Variants in C2CD2 observed in about 807,000 individuals in gnomAD.
The protein encoded by C2CD2 is C2 calcium dependent domain containing 2.
A neutral mutation model predicts 74.3 loss-of-function variants in C2CD2; 43 were observed. That is an observed-to-expected ratio of 0.58 (90% CI 0.45 to 0.75). C2CD2 has a LOEUF of 0.75. Among genes scored for constraint, C2CD2 ranks in the 30% least tolerant of loss-of-function variants. The pLI is 0.00. For synonymous variants in C2CD2, 422 were observed against 390.7 expected, an observed-to-expected ratio of 1.08 and a Z score of -0.94; for missense variants, 801 against 916.3, an observed-to-expected ratio of 0.87 and a Z score of 1.63.
chr21:41,946,562 A>C (rs1464724438), intron 1 of C2CD2, among the ~76,000 whole-genome samples: 1 of 152,206 alleles, frequency 6.6e-6, no homozygotes, highest in African/African-American at 2.4e-5. Context: ...GCCTCCGCAG[A>C]AGCAGAACCT....
chr21:41,910,957 G>T (rs1012914003), intron 7 of C2CD2, among the ~76,000 whole-genome samples: 2 of 152,026 alleles, frequency 1.3e-5, no homozygotes, highest in African/African-American at 4.8e-5. Context: ...CGGTATTTGT[G>T]TATAGTTTTT....
At chr21:41,949,144 T>C (rs2065429511) in intron 1 of C2CD2, among the ~76,000 whole-genome samples, 1 of 151,974 alleles carries the variant, frequency 6.6e-6, no homozygotes, top group South Asian at 2.1e-4. Context: ...GGAGGAGTTC[T>C]GGGCAGCCCA....
rs376285243 is a variant in C2CD2 at position 41,907,117 on chromosome 21, G to A, written c.1193C>T (p.Pro398Leu). The change falls in exon 10 of 14, where the codon CCT becomes CTT. Residue 398 changes from proline (P) to leucine (L), a missense_variant. Transcript: ENST00000380486. ...CTTTTCTATTTTTGCAGCAGGAACA[G>A]GGGGAGGGATGGGCCAGGATTTCAA... ...GELKSWPIPP[P>L]VPAAKIEKDR... The A allele has an allele frequency of 1.5e-5, 25 of 1,613,814 alleles. No homozygotes were observed. Among genetic ancestry groups the A allele is most frequent in the Non-Finnish European group, 2.0e-5 (24 of 1,179,756 alleles).
intron 8 of C2CD2, chr21:41,908,243 T>TTGTGTGTGTTTGTG (rs1555901423): frequency 5.9e-6 from 1 of 168,698 alleles, no homozygotes; most frequent in Non-Finnish European, 1.2e-5. Context: ...TACCCTCAAG[T>TTGTGTGTGTTTGTG]TGTGTGTGTG....
chr21:41,942,055 T>C, intron 2 of C2CD2, 92 bp downstream of exon 2: 4 of 1,478,548 alleles, frequency 2.7e-6, no homozygotes, highest in Non-Finnish European at 3.6e-6. Context: ...AGTGTAAGGG[T>C]TCCGCATTTT....
intron 1 of C2CD2, 30 bp from the exon 2 acceptor site, chr21:41,942,275 A>G (rs2146227037): frequency 6.6e-7 from 1 of 1,504,952 alleles, no homozygotes; most frequent in Non-Finnish European, 9.0e-7. Flanking sequence ...TGAGGAGGGC[A>G]TGCACAGGAG....
At chr21:41,917,832 G>A (rs138662146) in intron 5 of C2CD2, among the ~76,000 whole-genome samples, 2 of 152,150 alleles carry the variant, frequency 1.3e-5, no homozygotes, top group Admixed American at 6.5e-5. Context: ...TGCTTTCCCA[G>A]GTACCTTGGT....
chr21:41,915,362 C>A (rs754762996), intron 5 of C2CD2, among the ~76,000 whole-genome samples: 1 of 152,174 alleles, frequency 6.6e-6, no homozygotes, highest in Non-Finnish European at 1.5e-5. Context: ...ACAGAAAGCA[C>A]CCCCAAATCT....
intron 10 of C2CD2, among the ~76,000 whole-genome samples, chr21:41,906,360 T>A (rs2064961923): frequency 6.6e-6 from 1 of 152,186 alleles, no homozygotes; most frequent in Admixed American, 6.5e-5. Context: ...GTTCGTGTTT[T>A]GTTTTGTTTT....
rs944347798 is a variant in C2CD2 at position 41,885,438 on chromosome 21, G to A, written c.*3686C>T. On this transcript the variant is annotated 3_prime_UTR_variant, in exon 14 of 14. Coordinates refer to ENST00000380486, the MANE Select transcript of C2CD2 (RefSeq NM_015500.2). Reference sequence around the variant, plus strand: ...CTGCCCAGCTGCTAACTGAGAGAACGAGGCAGTGTATTGTGTTTCGAATGC... The same window carrying A: ...CTGCCCAGCTGCTAACTGAGAGAACAAGGCAGTGTATTGTGTTTCGAATGC... 2.6e-5 allele frequency: 4 copies of A among 152,654 alleles called. No homozygotes were observed. Among genetic ancestry groups the A allele is most frequent in the African/African-American group, 7.2e-5 (3 of 41,462 alleles). 9.5% of individuals were successfully genotyped at this position (152,654 alleles called of 1,614,324 possible). A position where few individuals can be genotyped will look rare whatever the true frequency, so the allele number is the denominator to read the frequency against.
Position 41,889,063 on chromosome 21 carries a change from C to T in C2CD2, c.*61G>A. ...CATCCGGCGGACACACTGGCTGCGT[C>T]CTGGTGAGGGTAGTTAACATGGGTG... On this transcript the variant is annotated 3_prime_UTR_variant, in exon 14 of 14. Transcript: ENST00000380486. 7.9e-7 allele frequency: 1 copy of T among 1,270,592 alleles called. No individual in the cohort carries two copies. The highest frequency in any genetic ancestry group is 1.1e-6 in the Non-Finnish European group (1 of 873,506). The allele number at this position is 1,270,592 out of a possible 1,614,324, so 78.7% of individuals were successfully genotyped here.
In C2CD2 at chr21:41,889,355, G is replaced by C; in HGVS notation, c.1871-11C>G. ...TCCTTAGAATTCCTCCTGGAAGAGG[G>C]AGGCACAAGGGCTGGTCAAGTGGGC... On this transcript the variant is annotated splice_polypyrimidine_tract_variant and intron_variant, in intron 13 of 13. Transcript: ENST00000380486. 3 of 1,593,778 alleles carry C rather than the reference G, an allele frequency of 1.9e-6. No individual in the cohort carries two copies. The highest frequency in any genetic ancestry group is 2.6e-6 in the Non-Finnish European group (3 of 1,162,446).
intron 2 of C2CD2, among the ~76,000 whole-genome samples, chr21:41,928,210 G>A (rs1049866568): frequency 6.6e-6 from 1 of 152,160 alleles, no homozygotes; most frequent in Non-Finnish European, 1.5e-5. Flanking sequence ...AACCTCCTAC[G>A]CCCCATGCTC....
chr21:41,910,207 G>A (rs990309613), intron 7 of C2CD2, among the ~76,000 whole-genome samples: 2 of 152,016 alleles, frequency 1.3e-5, no homozygotes, highest in South Asian at 4.2e-4. Context: ...CATGTTGGAT[G>A]GGCCTCTAGT....
chr21:41,953,181 T>G (rs142502895), intron 1 of C2CD2, 189 bp downstream of exon 1: 4,474 of 407,756 alleles, frequency 0.011, 35 homozygotes, highest in Non-Finnish European at 0.015. Context: ...ATCAATCACT[T>G]TGTCTTGTCT....
At position 41,945,288 on chromosome 21, in the gene C2CD2, C is replaced by T. The variant is rs1239572151; in HGVS notation, c.280-3043G>A. On this transcript the variant is annotated intron_variant, in intron 1 of 13. Transcript: ENST00000380486. The surrounding 1 kb of genome is among the most constrained non-coding windows in gnomAD (Gnocchi z 4.2). ...AAATACACAGAAATATAGACATGCG[C>T]ACACACGTTGGTATACACACGTATG... 6.6e-6 allele frequency among the ~76,000 whole-genome samples: 1 copy of T among 152,118 alleles called. No individual in the cohort carries two copies. The highest frequency in any genetic ancestry group is 1.5e-5 in the Non-Finnish European group (1 of 68,024).
At chr21:41,927,645 A>G (rs2065226289) in intron 2 of C2CD2, among the ~76,000 whole-genome samples, 1 of 151,632 alleles carries the variant, frequency 6.6e-6, no homozygotes. Context: ...TAACTTTTGT[A>G]TTTTTAGTAG....
At position 41,926,946 on chromosome 21, in the gene C2CD2, C is replaced by G. The variant is rs1404399571; in HGVS notation, c.379-4861G>C. Among the ~76,000 whole-genome samples the G allele has an allele frequency of 2.0e-5, 3 of 152,234 alleles. No individual in the cohort carries two copies. Among genetic ancestry groups the G allele is most frequent in the Non-Finnish European group, 4.4e-5 (3 of 68,036 alleles). ...AAGGCAAAGACCCTTCAGTAATCAT[C>G]TGGATTTCCTAGTCAGATGTCTTTC... On this transcript the variant is annotated intron_variant, in intron 2 of 13. Coordinates refer to ENST00000380486, the MANE Select transcript of C2CD2 (RefSeq NM_015500.2). This position sits in a 1 kb window ranked among gnomAD's most constrained non-coding sequence, Gnocchi z 8.0.
At chr21:41,913,575 G>C (rs926070408) in intron 6 of C2CD2, among the ~76,000 whole-genome samples, 1 of 152,200 alleles carries the variant, frequency 6.6e-6, no homozygotes, top group Non-Finnish European at 1.5e-5. Flanking sequence ...CAGGCTGAAA[G>C]GGCAACATGT....
Sources: gnomAD v4.1 joint callset for allele counts (sites outside exome capture counted in the v4.1 genomes callset) on GRCh38, gnomAD v4.1.1 for gene constraint, Gnocchi (gnomAD v3.1) non-coding constraint, MANE v1.5 for transcripts, NCBI Gene and HGNC (gene_info 2026-07-23, HGNC 2026-07-21) for gene names.